Variants in GLI3 observed in about 807,000 individuals in gnomAD.
GLI3 encodes GLI family zinc finger 3.
Under a neutral mutation model 100.8 loss-of-function variants are expected in GLI3, and 20 were observed. The observed-to-expected ratio is 0.20, with a 90% CI of 0.14 to 0.29. The LOEUF (loss-of-function observed/expected upper bound fraction) is 0.29. Among genes scored for constraint, GLI3 ranks in the 10% least tolerant of loss-of-function variants. The pLI, the probability that GLI3 is intolerant of heterozygous loss-of-function variation, is 1.00. For missense variants in GLI3, 2,040 were observed against 2,128.5 expected, an observed-to-expected ratio of 0.96 and a Z score of 0.82; for synonymous variants, 938 against 860.5, an observed-to-expected ratio of 1.09 and a Z score of -1.58.
At chr7:41,985,950 C>T (rs1392953072) in intron 10 of GLI3, among the ~76,000 whole-genome samples, 1 of 152,144 alleles carries the variant, frequency 6.6e-6, no homozygotes, top group Non-Finnish European at 1.5e-5. Context: ...TATTTAAAAA[C>T]CTGAAACAGC....
chr7:42,262,197 T>TTCCTTCCTTCC (rs1761173028), intron 1 of GLI3, among the ~76,000 whole-genome samples: 8 of 33,556 alleles, frequency 2.4e-4, no homozygotes, highest in African/African-American at 5.6e-4. Flanking sequence ...TTTTATTTTT[T>TTCCTTCCTTCC]TTCCTTCCTT....
At position 42,073,333 on chromosome 7, in the gene GLI3, C is replaced by G. The variant is rs552748373; in HGVS notation, c.473+3419G>C. ...GTTTAGCAAACTGGGTTCTTTAACA[C>G]AAACTGACGTATTTCCGTACATATT... is the stretch of plus-strand genomic sequence containing the variant. On this transcript the variant is annotated intron_variant, in intron 4 of 14. Coordinates refer to ENST00000395925, the MANE Select transcript of GLI3 (RefSeq NM_000168.6). 2.6e-5 allele frequency among the ~76,000 whole-genome samples: 4 copies of G among 152,264 alleles called. No individual in the cohort carries two copies. In the South Asian group the frequency reaches 8.3e-4, roughly 32 times the overall value.
chr7:42,213,581 A>C (rs1788312991), intron 2 of GLI3, among the ~76,000 whole-genome samples: 1 of 152,126 alleles, frequency 6.6e-6, no homozygotes, highest in South Asian at 2.1e-4. Context: ...CCATTTTCCA[A>C]GGTCTGGGGT....
intron 2 of GLI3, among the ~76,000 whole-genome samples, chr7:42,213,139 T>C (rs1489596806): frequency 6.6e-6 from 1 of 152,214 alleles, no homozygotes. Context: ...TTCCCCATTA[T>C]GATGCGCTTA....
chr7:41,995,953 G>T (rs1382810445), intron 10 of GLI3, among the ~76,000 whole-genome samples: 1 of 152,130 alleles, frequency 6.6e-6, no homozygotes, highest in Non-Finnish European at 1.5e-5. Flanking sequence ...GTTGGCAATG[G>T]GTCTGACCTC....
intron 3 of GLI3, among the ~76,000 whole-genome samples, chr7:42,138,278 G>A (rs571003705): frequency 1.3e-5 from 2 of 152,198 alleles, no homozygotes; most frequent in Non-Finnish European, 1.5e-5. Flanking sequence ...AGGCACTCAG[G>A]TGTCTCCAAT....
chr7:42,036,279 C>T (rs190291550), intron 7 of GLI3, among the ~76,000 whole-genome samples: 28 of 152,266 alleles, frequency 1.8e-4, no homozygotes, highest in African/African-American at 6.5e-4. Context: ...TTTCAGAAAG[C>T]CAGAATTATT....
Position 41,962,482 on chromosome 7 carries a change from A to T in GLI3, c.*1848T>A, listed in dbSNP as rs1364455978. ...TTTTGTTATGGGGCTGTTCCAAAGG[A>T]GACACATCCGTTAATTTCAAAGAAG... is the stretch of plus-strand genomic sequence containing the variant. On this transcript the variant is annotated 3_prime_UTR_variant, in exon 15 of 15. Transcript: ENST00000395925. 6.6e-6 allele frequency: 1 copy of T among 152,212 alleles called. No individual in the cohort carries two copies. Among genetic ancestry groups the T allele is most frequent in the East Asian group, 1.9e-4 (1 of 5,188 alleles). 9.4% of individuals were successfully genotyped at this position (152,212 alleles called of 1,614,324 possible).
chr7:42,238,656 T>C (rs2128708446), upstream of GLI3, among the ~76,000 whole-genome samples: 1 of 152,356 alleles, frequency 6.6e-6, no homozygotes. Flanking sequence ...AGGCCCATGC[T>C]AGTAAAAGTT....
chr7:42,224,308 A>T (rs1788544759), intron 1 of GLI3, among the ~76,000 whole-genome samples: 1 of 152,232 alleles, frequency 6.6e-6, no homozygotes, highest in African/African-American at 2.4e-5. Context: ...CGACATCCTC[A>T]ATCACAGCAG....
At position 41,965,455 on chromosome 7, in the gene GLI3, C is replaced by G. The variant is rs890431070; in HGVS notation, c.3618G>C (p.Arg1206Ser). Residue 1206 changes from arginine (R) to serine (S), a missense_variant, in exon 15 of 15, where the codon AGG becomes AGC. By Grantham distance (110) the Arg-to-Ser change is moderately radical. Coordinates refer to ENST00000395925, the MANE Select transcript of GLI3 (RefSeq NM_000168.6). ...GMVVHPQNPL[R>S]SGPAGGYQTL... ...TCTGATAGCCCCCAGCAGGCCCGCT[C>G]CTCAAGGGGTTCTGCGGGTGGACGA... 2.4e-5 allele frequency: 39 copies of G among 1,608,712 alleles called. No homozygotes were observed. The highest frequency in any genetic ancestry group is 3.3e-5 in the Non-Finnish European group (39 of 1,177,372).
At chr7:42,239,438 A>G (rs1788901012), upstream of GLI3, among the ~76,000 whole-genome samples, 1 of 151,880 alleles carries the variant, frequency 6.6e-6, no homozygotes, top group South Asian at 2.1e-4. Flanking sequence ...GAGAATTGCA[A>G]GCCACTCTTT....
chr7:42,109,283 G>A (rs886081959), intron 3 of GLI3, among the ~76,000 whole-genome samples: 1 of 152,170 alleles, frequency 6.6e-6, no homozygotes, highest in African/African-American at 2.4e-5. Context: ...AGTCACTACA[G>A]GGCAGCCAAG....
intron 1 of GLI3, among the ~76,000 whole-genome samples, chr7:42,262,740 AC>A (rs1403256941): frequency 2.8e-4 from 43 of 152,182 alleles, no homozygotes; most frequent in Admixed American, 2.2e-3. Context: ...CAGCCCAAAT[AC>A]CTTTTTGTTG....
rs1787175869 is a variant in GLI3, at chr7:41,966,227, T to G, written c.2846A>C (p.Glu949Ala). The G allele has an allele frequency of 6.2e-7, 1 of 1,608,766 alleles. No individual in the cohort carries two copies. Among genetic ancestry groups the G allele is most frequent in the African/African-American group, 1.3e-5 (1 of 74,886 alleles). The change falls in exon 15 of 15, where the codon GAG becomes GCG. Residue 949 changes from glutamate (E) to alanine (A), a missense_variant. Physicochemically the swap from Glu to Ala is moderately radical, Grantham distance 107. Around this residue, in one of 5 missense-constraint regions of GLI3, gnomAD observed 1,041 missense variants for 924.0 expected, o/e 1.13. Coordinates refer to ENST00000395925, the MANE Select transcript of GLI3 (RefSeq NM_000168.6). The surrounding 1 kb of genome is among the most constrained non-coding windows in gnomAD (Gnocchi z 5.8). ...GPPPTPLPNM[E>A]RMSLKTRLAL... ...CAGGCGCGTCTTCAGGCTCATCCTC[T>G]CCATGTTGGGCAGGGGCGTCGGCGG...
intron 3 of GLI3, among the ~76,000 whole-genome samples, chr7:42,101,418 C>T (rs56780061): frequency 0.16 from 24,092 of 151,938 alleles, 2,269 homozygotes; most frequent in African/African-American, 0.27. Context: ...CTGGACAACA[C>T]GTCAAGACCT....
At chr7:42,221,194 CA>C (rs745385782) in intron 2 of GLI3, among the ~76,000 whole-genome samples, 17 of 152,156 alleles carry the variant, frequency 1.1e-4, no homozygotes, top group Non-Finnish European at 2.4e-4. Flanking sequence ...TCACCCTCAA[CA>C]GAATCATGAG....
At chr7:42,124,323 T>A (rs1405293792) in intron 3 of GLI3, among the ~76,000 whole-genome samples, 1 of 152,210 alleles carries the variant, frequency 6.6e-6, no homozygotes, top group African/African-American at 2.4e-5. Context: ...ATTTTAAAGA[T>A]TATTTCAAAT....
rs375858828 is a variant in GLI3, at chr7:42,219,955, G to A, written c.124+3175C>T. Reference sequence around the variant, plus strand: ...TGTAAGCTCCACCTCCCGAATTCACGCCATTCTCCTGCCTCAGCCTCCCGA... The same window carrying A: ...TGTAAGCTCCACCTCCCGAATTCACACCATTCTCCTGCCTCAGCCTCCCGA... On this transcript the variant is annotated intron_variant, in intron 2 of 14. Coordinates refer to ENST00000395925, the MANE Select transcript of GLI3 (RefSeq NM_000168.6). 2.2e-3 allele frequency among the ~76,000 whole-genome samples: 323 copies of A among 149,872 alleles called. 3 individuals are homozygous for A. The highest frequency in any genetic ancestry group is 7.7e-3 in the African/African-American group (313 of 40,662).
Sources: gnomAD v4.1 joint callset for allele counts (sites outside exome capture counted in the v4.1 genomes callset) on GRCh38, gnomAD v4.1.1 for gene constraint, gnomAD v4.1.1 regional missense constraint, Gnocchi (gnomAD v3.1) non-coding constraint, MANE v1.5 for transcripts, NCBI Gene and HGNC (gene_info 2026-07-23, HGNC 2026-07-21) for gene names.